The following CYB5R4 variants were observed in gnomAD, a reference collection of about 807,000 sequenced individuals.
CYB5R4 encodes cytochrome b5 reductase 4, also known as N-terminal cytochrome b5 and cytochrome b5 oxidoreductase domain-containing protein.
CYB5R4 carries 55 observed loss-of-function variants against 70.2 expected under a neutral mutation model. The observed-to-expected ratio is 0.78, with a 90% confidence interval of 0.63 to 0.98. The LOEUF (loss-of-function observed/expected upper bound fraction) is 0.98. Ranked by LOEUF, CYB5R4 falls within the 50% of genes least tolerant of loss-of-function variation. The pLI is 0.00. For missense variants in CYB5R4, 562 were observed against 612.6 expected (o/e 0.92, Z 0.87); for synonymous variants, 197 against 199.5 (o/e 0.99, Z 0.11).
At chr6:83,905,968 G>A (rs1270374518) in intron 3 of CYB5R4, among the ~76,000 whole-genome samples, 1 of 152,144 alleles carries the variant, frequency 6.6e-6, no homozygotes, top group East Asian at 1.9e-4. Context: ...GTGTTCAGGT[G>A]CCAGTGTGTT....
chr6:83,887,736 A>C (rs1243429611), intron 2 of CYB5R4, among the ~76,000 whole-genome samples: 5 of 152,034 alleles, frequency 3.3e-5, no homozygotes, highest in Admixed American at 3.3e-4. Flanking sequence ...TAGAGTTTAA[A>C]AAACAAAACA....
chr6:83,908,982 T>A (rs758825547), intron 3 of CYB5R4, 27 bp from the exon 4 acceptor site: 12 of 1,599,826 alleles, frequency 7.5e-6, no homozygotes, highest in Non-Finnish European at 1.0e-5. Context: ...GTCATGTTGC[T>A]TTTCCATCAT....
chr6:83,919,131 A>C (rs2099465968), intron 6 of CYB5R4, among the ~76,000 whole-genome samples: 1 of 152,146 alleles, frequency 6.6e-6, no homozygotes, highest in African/African-American at 2.4e-5. Context: ...AGAGATGTAT[A>C]GGCTCTATAA....
chr6:83,875,502 G>C (rs1055993041), intron 2 of CYB5R4, among the ~76,000 whole-genome samples: 7 of 152,126 alleles, frequency 4.6e-5, no homozygotes, highest in Non-Finnish European at 1.0e-4. Context: ...GTGGTTACAG[G>C]AAAGTGTTCC....
chr6:83,909,169 G>A (rs1364030395), intron 4 of CYB5R4, 79 bp downstream of exon 4: 10 of 1,160,864 alleles, frequency 8.6e-6, no homozygotes, highest in Middle Eastern at 2.0e-4. Flanking sequence ...AAACAACTAG[G>A]TCTATACAAA....
chr6:83,864,332 G>A lies in CYB5R4; in HGVS notation c.229+4G>A. On this transcript the variant is annotated splice_donor_region_variant and intron_variant, in intron 2 of 15. Coordinates refer to ENST00000369681, the MANE Select transcript of CYB5R4 (RefSeq NM_016230.4). ...GATTGTTGGATATGCATAAGAGGTAGGTGGTATTTATTAAGTCCTTCAAAA... is the reference window on the plus strand; with the variant it reads ...GATTGTTGGATATGCATAAGAGGTAAGTGGTATTTATTAAGTCCTTCAAAA... 6.2e-7 allele frequency: 1 copy of A among 1,605,932 alleles called. No individual in the cohort carries two copies. Among genetic ancestry groups the A allele is most frequent in the Non-Finnish European group, 8.5e-7 (1 of 1,176,966 alleles).
chr6:83,908,583 C>T (rs1159942791), intron 3 of CYB5R4, among the ~76,000 whole-genome samples: 1 of 152,134 alleles, frequency 6.6e-6, no homozygotes, highest in Non-Finnish European at 1.5e-5. Flanking sequence ...CTCATGCTCC[C>T]TCCCCTGTCC....
rs1388120280 is a variant in CYB5R4 at position 83,962,292 on chromosome 6, T to C, written c.*2414T>C. 1 of 152,138 alleles carries C rather than the reference T, an allele frequency of 6.6e-6. No homozygotes were observed. Among genetic ancestry groups the C allele is most frequent in the Non-Finnish European group, 1.5e-5 (1 of 68,048 alleles). The allele number at this position is 152,138 out of a possible 1,614,324, so 9.4% of individuals were successfully genotyped here. On this transcript the variant is annotated 3_prime_UTR_variant, in exon 16 of 16. Transcript: ENST00000369681. ...AAATTCATTCTCCATTCCAGGGTAT[T>C]CTAGAAGGACTTGGAGGAAAAAATC... is the stretch of plus-strand genomic sequence containing the variant.
chr6:83,899,085 G>A (rs1279306050), intron 3 of CYB5R4, among the ~76,000 whole-genome samples: 2 of 152,168 alleles, frequency 1.3e-5, no homozygotes, highest in African/African-American at 4.8e-5. Context: ...CATTCAGTAT[G>A]ATATTGGCTG....
Position 83,964,300 on chromosome 6 carries a change from A to C in CYB5R4, c.*4422A>C, listed in dbSNP as rs1014591053. 3 of 153,252 alleles carry C rather than the reference A, an allele frequency of 2.0e-5. No homozygotes were observed. Among genetic ancestry groups the C allele is most frequent in the African/African-American group, 7.2e-5 (3 of 41,470 alleles). The allele number at this position is 153,252 out of a possible 1,614,324, so 9.5% of individuals were successfully genotyped here. Reference sequence around the variant, plus strand: ...TTGAATGGCTTTGACAAAAATACTGATAATGATATGGACAATGAAATCTAG... The same window carrying C: ...TTGAATGGCTTTGACAAAAATACTGCTAATGATATGGACAATGAAATCTAG... On this transcript the variant is annotated 3_prime_UTR_variant, in exon 16 of 16. Transcript: ENST00000369681.
intron 14 of CYB5R4, among the ~76,000 whole-genome samples, chr6:83,942,224 C>G (rs1248373039): frequency 6.6e-6 from 1 of 152,208 alleles, no homozygotes; most frequent in African/African-American, 2.4e-5. Flanking sequence ...CAGCTCCCAG[C>G]GAGACCAACA....
At chr6:83,954,833 T>C (rs1489695932) in intron 14 of CYB5R4, among the ~76,000 whole-genome samples, 1 of 151,938 alleles carries the variant, frequency 6.6e-6, no homozygotes, top group East Asian at 1.9e-4. Flanking sequence ...CTGCCTCAGC[T>C]TCCCAAATAG....
At chr6:83,894,128 A>G (rs773646352) in intron 3 of CYB5R4, among the ~76,000 whole-genome samples, 1 of 152,220 alleles carries the variant, frequency 6.6e-6, no homozygotes, top group Admixed American at 6.5e-5. Flanking sequence ...TTTTCCTAGC[A>G]TGATGGCAGA....
At chr6:83,943,236 C>T (rs1325148288) in intron 14 of CYB5R4, among the ~76,000 whole-genome samples, 1 of 152,076 alleles carries the variant, frequency 6.6e-6, no homozygotes, top group Non-Finnish European at 1.5e-5. Flanking sequence ...TTGGTGGGTG[C>T]CCTCTGGGAT....
rs763766583 is a variant in CYB5R4 at position 83,924,549 on chromosome 6, T to C, written c.771T>C (p.His257=). 1 of 1,613,484 alleles carries C rather than the reference T, an allele frequency of 6.2e-7. No homozygotes were observed. The highest frequency in any genetic ancestry group is 8.5e-7 in the Non-Finnish European group (1 of 1,179,586). ...ATACTTCTTGGGACTTTCTTGGCCA[T>C]CCCCTGAAGAATCATAATTCACTTA... The part of the protein sequence containing the change: ...KENTSWDFLG[H]PLKNHNSLIP... Residue 257 remains histidine, a synonymous_variant, in exon 10 of 16, where the codon CAT becomes CAC. Transcript: ENST00000369681.
At chr6:83,935,005 C>T (rs752261556) in intron 11 of CYB5R4, among the ~76,000 whole-genome samples, 8 of 152,016 alleles carry the variant, frequency 5.3e-5, no homozygotes, top group Non-Finnish European at 8.8e-5. Context: ...TAACAAAACC[C>T]TAAAGGAAAG....
At chr6:83,895,323 G>A (rs1049789901) in intron 3 of CYB5R4, among the ~76,000 whole-genome samples, 4 of 151,868 alleles carry the variant, frequency 2.6e-5, no homozygotes, top group Non-Finnish European at 4.4e-5. Context: ...GTGCCATCTC[G>A]CCTGGCTAAT....
At position 83,859,726 on chromosome 6, in the gene CYB5R4, A is replaced by G; in HGVS notation, c.-57A>G. On this transcript the variant is annotated 5_prime_UTR_variant, in exon 1 of 16. Transcript: ENST00000369681. ...TGCCCGGCCACAGAGCCGGAGCTGG[A>G]GGTGCTGTCCCGTCTGGCGGCGATC... 1.3e-6 allele frequency: 2 copies of G among 1,581,242 alleles called. No homozygotes were observed. Among genetic ancestry groups the G allele is most frequent in the Non-Finnish European group, 1.7e-6 (2 of 1,155,552 alleles).
intron 2 of CYB5R4, among the ~76,000 whole-genome samples, chr6:83,865,003 T>C (rs2099456520): frequency 6.6e-6 from 1 of 152,176 alleles, no homozygotes; most frequent in African/African-American, 2.4e-5. Flanking sequence ...CCATGCATGG[T>C]TAACTGTGTT....
Sources: allele counts gnomAD v4.1 joint callset (sites outside exome capture counted in the v4.1 genomes callset), GRCh38; gene constraint gnomAD v4.1.1; transcripts MANE v1.5; gene names NCBI Gene and HGNC (gene_info 2026-07-23, HGNC 2026-07-21).